MYO7B: variants seen among roughly 807,000 people sequenced by gnomAD.
MYO7B encodes myosin VIIB.
Under a neutral mutation model 259.7 loss-of-function variants are expected in MYO7B, and 212 were observed. That is an observed-to-expected ratio of 0.82 (90% confidence interval 0.73 to 0.91). MYO7B has a LOEUF of 0.91. MYO7B is among the 40% of genes least tolerant of loss of function. MYO7B has a pLI of 0.00. For missense variants in MYO7B, 2,732 were observed against 2,813.5 expected (o/e 0.97, Z 0.66); for synonymous variants, 1,197 against 1,166.4 (o/e 1.03, Z -0.54).
intron 1 of MYO7B, among the ~76,000 whole-genome samples, chr2:127,537,404 A>C (rs1193881654): frequency 6.6e-6 from 1 of 152,188 alleles, no homozygotes; most frequent in Non-Finnish European, 1.5e-5. Context: ...GCTCAGACAA[A>C]ACCAATGGCC....
intron 1 of MYO7B, among the ~76,000 whole-genome samples, chr2:127,542,429 G>A (rs13424229): frequency 0.029 from 4,476 of 152,280 alleles, 231 homozygotes; most frequent in African/African-American, 0.1. Context: ...TTTCTGTTGG[G>A]CCCTCCCATG....
At chr2:127,587,302 G>T (rs1180616727) in intron 14 of MYO7B, among the ~76,000 whole-genome samples, 1 of 152,164 alleles carries the variant, frequency 6.6e-6, no homozygotes, top group Non-Finnish European at 1.5e-5. Context: ...GGGGAGACAT[G>T]GGATCTTCTC....
chr2:127,540,427 G>A (rs1245374137), intron 1 of MYO7B, among the ~76,000 whole-genome samples: 1 of 152,202 alleles, frequency 6.6e-6, no homozygotes, highest in Non-Finnish European at 1.5e-5. Context: ...GCCTCCCAGA[G>A]TGTTGGGATT....
At chr2:127,621,265 G>GTT (rs1212192791) in intron 27 of MYO7B, among the ~76,000 whole-genome samples, 45 of 120,688 alleles carry the variant, frequency 3.7e-4, no homozygotes, top group Non-Finnish European at 5.7e-4. Flanking sequence ...TTTTTTTTTT[G>GTT]TTTTTTTTTT....
At position 127,613,872 on chromosome 2, in the gene MYO7B, A is replaced by G. The variant is rs1241349026; in HGVS notation, c.3398+1269A>G. On this transcript the variant is annotated intron_variant, in intron 26 of 47. Transcript: ENST00000409816. The surrounding 1 kb of genome is among the most constrained non-coding windows in gnomAD (Gnocchi z 4.3). ...GCCCCACCATGTGTGTCAGGGGGCA[A>G]CCAGAGATTTGGGAAGATTTTATGT... 6.6e-6 allele frequency among the ~76,000 whole-genome samples: 1 copy of G among 152,196 alleles called. No individual in the cohort carries two copies. The highest frequency in any genetic ancestry group is 1.5e-5 in the Non-Finnish European group (1 of 68,034).
chr2:127,588,394 T>G lies in MYO7B; in HGVS notation c.1693T>G (p.Phe565Val), dbSNP rs1478144964. The G allele has an allele frequency of 6.2e-7, 1 of 1,612,618 alleles. No homozygotes were observed. Residue 565 changes from phenylalanine to valine, a missense_variant and splice_region_variant, in exon 15 of 48, where the codon TTC becomes GTC. This residue lies in a region of MYO7B where 1,906 missense variants were observed against 2,026.4 expected (regional missense o/e 0.94). Coordinates refer to ENST00000409816, the MANE Select transcript of MYO7B (RefSeq NM_001393586.1). ...AGEVYYQAEG[F>V]LEKNRDVLST... ...GGGTGGGCCCTGTGTCTCCACAGGC[T>G]TCCTGGAGAAGAACCGAGACGTGCT...
intron 7 of MYO7B, among the ~76,000 whole-genome samples, chr2:127,575,760 A>G (rs1276987335): frequency 6.6e-6 from 1 of 152,076 alleles, no homozygotes; most frequent in Non-Finnish European, 1.5e-5. Context: ...AGCTGAGACT[A>G]GAGGTGTTTA....
chr2:127,624,885 T>C (rs1236291756), intron 30 of MYO7B, among the ~76,000 whole-genome samples: 1 of 152,104 alleles, frequency 6.6e-6, no homozygotes, highest in Non-Finnish European at 1.5e-5. Context: ...CGGGACCCAT[T>C]GGAGGCGGCC....
intron 19 of MYO7B, among the ~76,000 whole-genome samples, chr2:127,599,816 A>G (rs1480068331): frequency 1.3e-5 from 2 of 152,184 alleles, no homozygotes; most frequent in African/African-American, 4.8e-5. Context: ...AGTTACGTTT[A>G]CTGATTTTTA....
rs1680541016 is a variant in MYO7B at position 127,615,612 on chromosome 2, T to C, written c.3398+3009T>C. Among the ~76,000 whole-genome samples, 1 of 152,078 alleles carries C rather than the reference T, an allele frequency of 6.6e-6. No homozygotes were observed. Among genetic ancestry groups the C allele is most frequent in the Admixed American group, 6.6e-5 (1 of 15,266 alleles). On this transcript the variant is annotated intron_variant, in intron 26 of 47. Coordinates refer to ENST00000409816, the MANE Select transcript of MYO7B (RefSeq NM_001393586.1). The surrounding 1 kb of genome is among the most constrained non-coding windows in gnomAD (Gnocchi z 4.4). ...CCCTGTAGATAATCACAAGAAACAC[T>C]TGTGCCTGGGTCGTGACTGCCCTCA...
At chr2:127,579,660 A>G (rs1457783811) in intron 9 of MYO7B, among the ~76,000 whole-genome samples, 2 of 152,082 alleles carry the variant, frequency 1.3e-5, no homozygotes, top group Non-Finnish European at 2.9e-5. Context: ...ATCTCGACTC[A>G]CTGCAAACTC....
intron 27 of MYO7B, 67 bp from the exon 28 acceptor site, chr2:127,621,915 G>A: frequency 6.5e-7 from 1 of 1,548,116 alleles, no homozygotes. Flanking sequence ...AAGTCCACCT[G>A]GGTGGTGAGT....
rs1020810085 is a variant in MYO7B, at chr2:127,559,206, C to T, written c.-23-494C>T. Among the ~76,000 whole-genome samples the T allele has an allele frequency of 1.3e-5, 2 of 152,232 alleles. No homozygotes were observed. Among genetic ancestry groups the T allele is most frequent in the African/African-American group, 4.8e-5 (2 of 41,460 alleles). On this transcript the variant is annotated intron_variant, in intron 1 of 47. Transcript: ENST00000409816. This position sits in a 1 kb window ranked among gnomAD's most constrained non-coding sequence, Gnocchi z 4.1. ...TGCTAAGGACAGGTTTGAAAGGAGG[C>T]AGATCCGGGTTTGATTCCCAGCTGT...
At chr2:127,625,028 C>T (rs903402264) in intron 30 of MYO7B, among the ~76,000 whole-genome samples, 4 of 152,020 alleles carry the variant, frequency 2.6e-5, no homozygotes, top group Non-Finnish European at 4.4e-5. Context: ...GCAGAAACTC[C>T]GCAAGGGGGG....
At position 127,566,601 on chromosome 2, in the gene MYO7B, C is replaced by G. The variant is rs1015766704; in HGVS notation, c.286-42C>G. 8 of 1,505,820 alleles carry G rather than the reference C, an allele frequency of 5.3e-6. No individual in the cohort carries two copies. In the African/African-American group the frequency reaches 9.7e-5, roughly 18 times the overall value. The allele number at this position is 1,505,820 out of a possible 1,614,324, so 93.3% of individuals were successfully genotyped here. Reference sequence around the variant, plus strand: ...AGGCCAAGGCCAGGGCCGAGTACCTCTGCCAGGGGCAGAGGGCACTGACCA... The same window carrying G: ...AGGCCAAGGCCAGGGCCGAGTACCTGTGCCAGGGGCAGAGGGCACTGACCA... On this transcript the variant is annotated intron_variant, in intron 4 of 47. Coordinates refer to ENST00000409816, the MANE Select transcript of MYO7B (RefSeq NM_001393586.1).
In MYO7B at chr2:127,635,731, A is replaced by G; in HGVS notation, c.5830A>G (p.Lys1944Glu). Residue 1944 changes from lysine to glutamate, a missense_variant, in exon 44 of 48, where the codon AAG becomes GAG. Lys to Glu is a moderately conservative substitution (Grantham distance 56). Around this residue, in one of 3 missense-constraint regions of MYO7B, gnomAD observed 821 missense variants for 769.3 expected, o/e 1.07. Coordinates refer to ENST00000409816, the MANE Select transcript of MYO7B (RefSeq NM_001393586.1). ...TILHYHQELP[K>E]YLRGFHKCSR... Reference sequence around the variant, plus strand: ...TGTGTCCATCACCCAGGAGCTGCCCAAGTACCTGCGCGGATTCCACAAGTG... The same window carrying G: ...TGTGTCCATCACCCAGGAGCTGCCCGAGTACCTGCGCGGATTCCACAAGTG... 1.9e-6 allele frequency: 3 copies of G among 1,602,128 alleles called. No individual in the cohort carries two copies. Among genetic ancestry groups the G allele is most frequent in the Non-Finnish European group, 2.6e-6 (3 of 1,174,692 alleles).
At chr2:127,617,852 TTA>T (rs1680639932) in intron 26 of MYO7B, among the ~76,000 whole-genome samples, 2 of 92,632 alleles carry the variant, frequency 2.2e-5, no homozygotes, top group Non-Finnish European at 4.1e-5. Flanking sequence ...TTTCTGGGCT[TTA>T]GTTTTTTTTT....
chr2:127,621,316 T>G (rs1461830808), intron 27 of MYO7B, among the ~76,000 whole-genome samples: 1 of 147,998 alleles, frequency 6.8e-6, no homozygotes, highest in African/African-American at 2.5e-5. Context: ...CAGGCCAGAG[T>G]GCAGTGGAGC....
chr2:127,544,563 C>A (rs1693139536), intron 1 of MYO7B, among the ~76,000 whole-genome samples: 1 of 149,398 alleles, frequency 6.7e-6, no homozygotes. Context: ...GGTGTGCCAC[C>A]ACGTCTGGCT....
Sources: gnomAD v4.1 joint callset for allele counts (sites outside exome capture counted in the v4.1 genomes callset) on GRCh38, gnomAD v4.1.1 for gene constraint, gnomAD v4.1.1 regional missense constraint, Gnocchi (gnomAD v3.1) non-coding constraint, MANE v1.5 for transcripts, NCBI Gene and HGNC (gene_info 2026-07-23, HGNC 2026-07-21) for gene names.